CLASP2: variants seen among roughly 807,000 people sequenced by gnomAD.
CLASP2 encodes CLIP-associating protein 2.
In CLASP2, 47 loss-of-function variants were observed where a neutral mutation model predicts 194.4. The observed-to-expected ratio is 0.24, with a 90% CI of 0.19 to 0.31. The LOEUF (loss-of-function observed/expected upper bound fraction) is 0.31, where lower values mean the gene tolerates loss of function less well. Ranked by LOEUF, CLASP2 falls within the 10% of genes least tolerant of loss-of-function variation. CLASP2 has a pLI of 1.00. For synonymous variants in CLASP2, 619 were observed against 633.5 expected (o/e 0.98, Z 0.34); for missense variants, 1,445 against 1,823.6 (o/e 0.79, Z 3.78).
intron 29 of CLASP2, among the ~76,000 whole-genome samples, chr3:33,554,088 C>G (rs544437854): frequency 6.6e-6 from 1 of 151,906 alleles, no homozygotes; most frequent in East Asian, 1.9e-4. Flanking sequence ...ATTAGCCGGG[C>G]GTGGTGGTGG....
intron 2 of CLASP2, among the ~76,000 whole-genome samples, chr3:33,694,114 C>T (rs953168950): frequency 6.6e-6 from 1 of 151,966 alleles, no homozygotes; most frequent in African/African-American, 2.4e-5. Flanking sequence ...GAAATAAGGG[C>T]ACAGCAGATG....
intron 36 of CLASP2, among the ~76,000 whole-genome samples, chr3:33,511,563 T>C (rs1559795907): frequency 6.6e-6 from 1 of 152,196 alleles, no homozygotes; most frequent in Non-Finnish European, 1.5e-5. Context: ...GTTAACATAC[T>C]ATTCCTCCTT....
At chr3:33,554,865 T>A in intron 29 of CLASP2, 1 of 152,708 alleles carries the variant, frequency 6.5e-6, no homozygotes, top group Admixed American at 6.5e-5. Context: ...GCAAAGGGAT[T>A]ATGGAATATA....
Position 33,607,483 on chromosome 3 carries a change from T to C in CLASP2, c.1449-22A>G, listed in dbSNP as rs779043233. The C allele has an allele frequency of 4.5e-6, 7 of 1,542,734 alleles. No individual in the cohort carries two copies. In the South Asian group the frequency reaches 8.3e-5, roughly 18 times the overall value. Reference sequence around the variant, plus strand: ...ATGTCTATAAAATAAAATACATCTTTAGAGTTATGATATAGCTGTATGTTT... The same window carrying C: ...ATGTCTATAAAATAAAATACATCTTCAGAGTTATGATATAGCTGTATGTTT... On this transcript the variant is annotated intron_variant, in intron 14 of 38. Transcript: ENST00000682230.
chr3:33,597,238 T>C (rs1263827190), intron 18 of CLASP2, among the ~76,000 whole-genome samples: 1 of 152,170 alleles, frequency 6.6e-6, no homozygotes, highest in Non-Finnish European at 1.5e-5. Context: ...TCTAACTCAC[T>C]TTCTCTATTC....
At chr3:33,557,061 C>A (rs553515601) in intron 29 of CLASP2, among the ~76,000 whole-genome samples, 2 of 151,092 alleles carry the variant, frequency 1.3e-5, no homozygotes, top group South Asian at 4.2e-4. Flanking sequence ...GCAACCTCCG[C>A]CTCTCCGGTT....
At chr3:33,560,692 G>A (rs1213537405) in intron 28 of CLASP2, 116 bp downstream of exon 28, 14 of 815,202 alleles carry the variant, frequency 1.7e-5, no homozygotes, top group Non-Finnish European at 2.5e-5. Flanking sequence ...ATCTTCAAAC[G>A]GAATCCATGC....
At chr3:33,553,933 A>G (rs1212131470) in intron 29 of CLASP2, among the ~76,000 whole-genome samples, 1 of 152,202 alleles carries the variant, frequency 6.6e-6, no homozygotes, top group East Asian at 1.9e-4. Context: ...CATAATACCA[A>G]GATATGGAAT....
chr3:33,511,433 T>C (rs951682166), intron 36 of CLASP2, among the ~76,000 whole-genome samples: 1 of 152,146 alleles, frequency 6.6e-6, no homozygotes, highest in Non-Finnish European at 1.5e-5. Context: ...GTCCCCTGCA[T>C]AAGCCATGCT....
At chr3:33,549,359 GC>G (rs1438005964) in intron 30 of CLASP2, among the ~76,000 whole-genome samples, 1 of 152,106 alleles carries the variant, frequency 6.6e-6, no homozygotes, top group African/African-American at 2.4e-5. Flanking sequence ...GGCATTAACA[GC>G]TATAAATTTC....
chr3:33,582,766 C>T (rs530502360), intron 22 of CLASP2, among the ~76,000 whole-genome samples: 121 of 152,110 alleles, frequency 8.0e-4, no homozygotes, highest in African/African-American at 2.7e-3. Flanking sequence ...ACGAAAGAAA[C>T]AATAAACAGG....
Position 33,622,287 on chromosome 3 carries a change from TA to T in CLASP2, c.1036-8del, listed in dbSNP as rs775809386. ...GTGATCGAATTTTCTTCAGCTGAAA[TA>T]AAGAATTTTCATTATTGACAAAAAA... On this transcript the variant is annotated splice_region_variant and splice_polypyrimidine_tract_variant and intron_variant, in intron 10 of 38. Transcript: ENST00000682230. 6.9e-7 allele frequency: 1 copy of T among 1,451,798 alleles called. No individual in the cohort carries two copies. The highest frequency in any genetic ancestry group is 9.1e-7 in the Non-Finnish European group (1 of 1,094,884). 89.9% of individuals were successfully genotyped at this position (1,451,798 alleles called of 1,614,324 possible). A position where few individuals can be genotyped will look rare whatever the true frequency, so the allele number is the denominator to read the frequency against.
At chr3:33,538,709 G>T in intron 33 of CLASP2, 80 bp downstream of exon 33, 1 of 1,214,728 alleles carries the variant, frequency 8.2e-7, no homozygotes, top group South Asian at 2.0e-5. Flanking sequence ...ATTCAAAAAT[G>T]ACAGAAAGCA....
At chr3:33,605,831 G>A (rs951803584) in intron 16 of CLASP2, among the ~76,000 whole-genome samples, 9 of 151,968 alleles carry the variant, frequency 5.9e-5, no homozygotes, top group Admixed American at 1.3e-4. Context: ...GGCTGGTCTC[G>A]AACTCCTGAC....
chr3:33,666,092 A>AC (rs1161232095), intron 6 of CLASP2, among the ~76,000 whole-genome samples: 1 of 152,176 alleles, frequency 6.6e-6, no homozygotes, highest in Non-Finnish European at 1.5e-5. Context: ...AGCAACCCTA[A>AC]CCAAAGTCCA....
intron 37 of CLASP2, among the ~76,000 whole-genome samples, chr3:33,506,864 A>G (rs1159540515): frequency 6.6e-6 from 1 of 151,784 alleles, no homozygotes. Context: ...TGTCTTTACT[A>G]TCATAGCTTT....
At chr3:33,572,524 C>A (rs1026768483) in intron 25 of CLASP2, among the ~76,000 whole-genome samples, 1 of 152,014 alleles carries the variant, frequency 6.6e-6, no homozygotes, top group East Asian at 1.9e-4. Context: ...AAGGGGTCAA[C>A]TATAGGTTTA....
At chr3:33,655,711 A>C (rs549647908) in intron 7 of CLASP2, among the ~76,000 whole-genome samples, 1 of 152,236 alleles carries the variant, frequency 6.6e-6, no homozygotes, top group South Asian at 2.1e-4. Context: ...ATTTATTGCT[A>C]TTGTTCTATA....
At chr3:33,565,088 G>T in intron 27 of CLASP2, among the ~76,000 whole-genome samples, 1 of 152,176 alleles carries the variant, frequency 6.6e-6, no homozygotes, top group East Asian at 1.9e-4. Context: ...CCTACTCAAG[G>T]TGAAGATGAC....
Sources: gnomAD v4.1 joint callset for allele counts (sites outside exome capture counted in the v4.1 genomes callset) on GRCh38, gnomAD v4.1.1 for gene constraint, MANE v1.5 for transcripts, NCBI Gene and HGNC (gene_info 2026-07-23, HGNC 2026-07-21) for gene names.